The following ARSB variants were observed in gnomAD, a reference collection of about 807,000 sequenced individuals.
ARSB encodes N-acetylgalactosamine-4-sulfatase.
A neutral mutation model predicts 50.9 loss-of-function variants in ARSB; 41 were observed. That is an observed-to-expected ratio of 0.81 (90% confidence interval 0.63 to 1.04). ARSB has a LOEUF of 1.04. ARSB is among the 50% of genes least tolerant of loss of function. The pLI is 0.00. For synonymous variants in ARSB, 269 were observed against 284.8 expected (o/e 0.94, Z 0.56); for missense variants, 672 against 693.3 (o/e 0.97, Z 0.35).
At chr5:78,831,887 A>G (rs1344123078) in intron 6 of ARSB, among the ~76,000 whole-genome samples, 8 of 152,202 alleles carry the variant, frequency 5.3e-5, no homozygotes, top group Non-Finnish European at 1.2e-4. Flanking sequence ...ATAGACCCAA[A>G]AAGAAATAAA....
At chr5:78,873,694 A>C (rs925194789) in intron 5 of ARSB, among the ~76,000 whole-genome samples, 5 of 150,830 alleles carry the variant, frequency 3.3e-5, no homozygotes, top group African/African-American at 4.9e-5. Context: ...ACGGGGTTTC[A>C]CCGTTTTAGC....
Position 78,885,731 on chromosome 5 carries a change from A to G in ARSB, c.995T>C (p.Val332Ala). 6.2e-7 allele frequency: 1 copy of G among 1,614,126 alleles called. No individual in the cohort carries two copies. Among genetic ancestry groups the G allele is most frequent in the Non-Finnish European group, 8.5e-7 (1 of 1,180,016 alleles). The change falls in exon 5 of 8, where the codon GTG becomes GCG. Residue 332 changes from valine (V) to alanine (A), a missense_variant. Val to Ala is a moderately conservative substitution (Grantham distance 64). Coordinates refer to ENST00000264914, the MANE Select transcript of ARSB (RefSeq NM_000046.5). ...CTTCTGCTTCAGCAAGGGGCTTGCC[A>G]CAAAGCCCACCCCTCGGACGCCTCC... ...WEGGVRGVGF[V>A]ASPLLKQKGV...
intron 6 of ARSB, among the ~76,000 whole-genome samples, chr5:78,828,934 A>C (rs563312393): frequency 1.3e-5 from 2 of 152,362 alleles, no homozygotes; most frequent in South Asian, 4.1e-4. Flanking sequence ...TTGAAGAAGG[A>C]GGCAGAACAG....
chr5:78,946,214 TA>T (rs2112455489), intron 4 of ARSB, among the ~76,000 whole-genome samples: 1 of 152,288 alleles, frequency 6.6e-6, no homozygotes, highest in African/African-American at 2.4e-5. Context: ...TCCTTGGATT[TA>T]AAAAACCTGG....
At chr5:78,959,418 G>A (rs1359242459) in intron 3 of ARSB, among the ~76,000 whole-genome samples, 1 of 151,590 alleles carries the variant, frequency 6.6e-6, no homozygotes, top group Admixed American at 6.6e-5. Flanking sequence ...AACAGCGTGA[G>A]AATGGACTAA....
Position 78,898,514 on chromosome 5 carries a change from T to C in ARSB, c.899-12687A>G, listed in dbSNP as rs536735937. Among the ~76,000 whole-genome samples the C allele has an allele frequency of 4.6e-5, 7 of 152,288 alleles. No individual in the cohort carries two copies. In the East Asian group the frequency reaches 9.6e-4, roughly 21 times the overall value. On this transcript the variant is annotated intron_variant, in intron 4 of 7. Coordinates refer to ENST00000264914, the MANE Select transcript of ARSB (RefSeq NM_000046.5). ...ACACAGGTGTAAAAATCTTTAACAA[T>C]ATTTAGGAAATCAAATTTAGCTTTA... is the stretch of plus-strand genomic sequence containing the variant.
At chr5:78,928,558 C>T (rs559275806) in intron 4 of ARSB, among the ~76,000 whole-genome samples, 146 of 152,096 alleles carry the variant, frequency 9.6e-4, no homozygotes, top group African/African-American at 3.5e-3. Context: ...TCAGGTGATC[C>T]GCCCACCTCG....
At chr5:78,801,056 C>T (rs980774169) in intron 6 of ARSB, among the ~76,000 whole-genome samples, 10 of 152,158 alleles carry the variant, frequency 6.6e-5, no homozygotes, top group East Asian at 1.9e-4. Context: ...AGATGGGTTG[C>T]GTTAGTACCT....
intron 4 of ARSB, among the ~76,000 whole-genome samples, chr5:78,936,346 A>G (rs911249843): frequency 3.3e-5 from 5 of 150,004 alleles, no homozygotes; most frequent in Non-Finnish European, 7.4e-5. Context: ...CTGGTCTCGA[A>G]CTCCTGACCT....
chr5:78,956,519 ATT>A (rs1378505938), intron 3 of ARSB, among the ~76,000 whole-genome samples: 1 of 152,166 alleles, frequency 6.6e-6, no homozygotes, highest in South Asian at 2.1e-4. Flanking sequence ...TGATATGTAA[ATT>A]TTGTTTCAAT....
intron 6 of ARSB, among the ~76,000 whole-genome samples, chr5:78,789,305 T>C (rs1287196309): frequency 6.6e-6 from 1 of 152,202 alleles, no homozygotes; most frequent in Non-Finnish European, 1.5e-5. Context: ...TTTAACTACA[T>C]AATGTTTAAA....
chr5:78,842,720 A>G (rs1745279476), intron 5 of ARSB, among the ~76,000 whole-genome samples: 1 of 151,008 alleles, frequency 6.6e-6, no homozygotes, highest in African/African-American at 2.4e-5. Flanking sequence ...CCTCTCTTGG[A>G]TTTAGAAGGA....
intron 1 of ARSB, among the ~76,000 whole-genome samples, chr5:78,971,822 G>T (rs1752466045): frequency 6.6e-6 from 1 of 152,166 alleles, no homozygotes; most frequent in African/African-American, 2.4e-5. Context: ...TGGTTTCACA[G>T]GTATATACCT....
At chr5:78,902,685 G>C (rs1402774923) in intron 4 of ARSB, among the ~76,000 whole-genome samples, 3 of 152,192 alleles carry the variant, frequency 2.0e-5, no homozygotes, top group African/African-American at 4.8e-5. Context: ...TATATTGTAT[G>C]ATTCCATTTT....
chr5:78,984,919 G>A lies in ARSB; in HGVS notation c.312+18C>T. The A allele has an allele frequency of 2.3e-6, 3 of 1,317,942 alleles. No individual in the cohort carries two copies. The highest frequency in any genetic ancestry group is 2.9e-6 in the Non-Finnish European group (3 of 1,037,124). 81.6% of individuals were successfully genotyped at this position (1,317,942 alleles called of 1,614,324 possible). On this transcript the variant is annotated intron_variant, in intron 1 of 7. Coordinates refer to ENST00000264914, the MANE Select transcript of ARSB (RefSeq NM_000046.5). ...AAGGCGGGGCGGGGGCGGCGCGGGC[G>A]GCGGGGGCGCCGCGTACCTGGTAGC...
At chr5:78,828,417 G>C (rs1271566367) in intron 6 of ARSB, among the ~76,000 whole-genome samples, 4 of 151,986 alleles carry the variant, frequency 2.6e-5, no homozygotes, top group Admixed American at 1.3e-4. Context: ...CCCCAAATAG[G>C]CTCACACACC....
chr5:78,791,970 G>C (rs1749248752), intron 6 of ARSB, among the ~76,000 whole-genome samples: 1 of 151,644 alleles, frequency 6.6e-6, no homozygotes, highest in Non-Finnish European at 1.5e-5. Flanking sequence ...CACACTGGAA[G>C]AAGAAGAATT....
At chr5:78,937,291 ATATG>A (rs956768036) in intron 4 of ARSB, among the ~76,000 whole-genome samples, 1 of 140,280 alleles carries the variant, frequency 7.1e-6, no homozygotes, top group African/African-American at 2.7e-5. Flanking sequence ...TAAGATATAT[ATATG>A]TAAGATATAT....
chr5:78,956,637 C>T (rs546970742), intron 3 of ARSB, among the ~76,000 whole-genome samples: 3 of 152,088 alleles, frequency 2.0e-5, no homozygotes, highest in Non-Finnish European at 2.9e-5. Flanking sequence ...ATAATAATAT[C>T]AGTAATGGCA....
Sources: allele counts gnomAD v4.1 joint callset (sites outside exome capture counted in the v4.1 genomes callset), GRCh38; gene constraint gnomAD v4.1.1; transcripts MANE v1.5; gene names NCBI Gene and HGNC (gene_info 2026-07-23, HGNC 2026-07-21).